PCDHGA3: variants seen among roughly 807,000 people sequenced by gnomAD.
The protein encoded by PCDHGA3 is protocadherin gamma-A3.
In PCDHGA3, 40 loss-of-function variants were observed where a neutral mutation model predicts 58.5. That is an observed-to-expected ratio of 0.68 (90% CI 0.53 to 0.89). PCDHGA3 has a LOEUF of 0.89. Ranked by LOEUF, PCDHGA3 falls within the 40% of genes least tolerant of loss-of-function variation. The probability of loss-of-function intolerance (pLI) is 0.00; values close to 1 mark genes in which losing one functional copy is unlikely to be tolerated. For synonymous variants in PCDHGA3, 530 were observed against 525.7 expected (o/e 1.01, Z -0.11); for missense variants, 1,223 against 1,195.9 (o/e 1.02, Z -0.33).
intron 1 of PCDHGA3, among the ~76,000 whole-genome samples, chr5:141,449,342 C>T (rs895923034): frequency 3.3e-5 from 5 of 151,854 alleles, no homozygotes; most frequent in Non-Finnish European, 5.9e-5. Context: ...TGCAGTGGCT[C>T]ACTCCTGTAA....
intron 2 of PCDHGA3, among the ~76,000 whole-genome samples, chr5:141,503,458 G>A (rs948221006): frequency 2.0e-5 from 3 of 152,018 alleles, no homozygotes; most frequent in Non-Finnish European, 4.4e-5. Flanking sequence ...CGCTGGGCAT[G>A]GTGGCATGTG....
chr5:141,356,869 G>T, intron 1 of PCDHGA3: 1 of 1,614,182 alleles, frequency 6.2e-7, no homozygotes, highest in Non-Finnish European at 8.5e-7. Context: ...GGACCAGAAC[G>T]ACAATGTCCC....
intron 1 of PCDHGA3, among the ~76,000 whole-genome samples, chr5:141,425,428 T>C (rs1037803701): frequency 1.3e-5 from 2 of 152,238 alleles, no homozygotes; most frequent in African/African-American, 4.8e-5. Context: ...TCCCATTAAA[T>C]AGAGGATAAA....
At chr5:141,375,305 G>A in intron 1 of PCDHGA3, 1 of 1,613,812 alleles carries the variant, frequency 6.2e-7, no homozygotes, top group African/African-American at 1.3e-5. Context: ...AGTGACAAAT[G>A]CAGCTCTAGA....
Position 141,476,267 on chromosome 5 carries a change from G to A in PCDHGA3, c.2425-18540G>A, listed in dbSNP as rs373758158. The A allele has an allele frequency of 6.8e-6, 11 of 1,613,938 alleles. No homozygotes were observed. Among genetic ancestry groups the A allele is most frequent in the African/African-American group, 1.3e-5 (1 of 74,884 alleles). On this transcript the variant is annotated intron_variant, in intron 1 of 3. Transcript: ENST00000253812. The surrounding 1 kb of genome is among the most constrained non-coding windows in gnomAD (Gnocchi z 7.6). ...GAAGGGTTTCGCTGTGGGCAACGTG[G>A]TCGCGAACCTTGGTTTGGATCTCGG...
At chr5:141,510,056 G>C (rs1450505898) in intron 3 of PCDHGA3, among the ~76,000 whole-genome samples, 2 of 152,174 alleles carry the variant, frequency 1.3e-5, no homozygotes. Flanking sequence ...AAGTGATTGT[G>C]CATGTGAAGC....
chr5:141,485,426 C>T lies in PCDHGA3; in HGVS notation c.2425-9381C>T. 6.2e-7 allele frequency: 1 copy of T among 1,614,158 alleles called. No individual in the cohort carries two copies. Among genetic ancestry groups the T allele is most frequent in the South Asian group, 1.1e-5 (1 of 91,078 alleles). ...TGTGGATTTGGACAGCGGAGCCCTGCTCATCAAGAACCCAATCGACCGAGA... is the reference window on the plus strand; with the variant it reads ...TGTGGATTTGGACAGCGGAGCCCTGTTCATCAAGAACCCAATCGACCGAGA... On this transcript the variant is annotated intron_variant, in intron 1 of 3. Transcript: ENST00000253812. The surrounding 1 kb of genome is among the most constrained non-coding windows in gnomAD (Gnocchi z 5.7).
Position 141,384,133 on chromosome 5 carries a change from C to T in PCDHGA3, c.2424+37676C>T, listed in dbSNP as rs770731491. 9.3e-6 allele frequency: 15 copies of T among 1,611,570 alleles called. No individual in the cohort carries two copies. Among genetic ancestry groups the T allele is most frequent in the Admixed American group, 1.7e-5 (1 of 59,646 alleles). On this transcript the variant is annotated intron_variant, in intron 1 of 3. Coordinates refer to ENST00000253812, the MANE Select transcript of PCDHGA3 (RefSeq NM_018916.4). ...ATTGGTCACAACCAAAAACTTGGAC[C>T]GGGAAACACTCTCTTTGTATAACAT... is the stretch of plus-strand genomic sequence containing the variant.
At chr5:141,448,058 C>G (rs2098560499) in intron 1 of PCDHGA3, among the ~76,000 whole-genome samples, 2 of 151,936 alleles carry the variant, frequency 1.3e-5, no homozygotes, top group Non-Finnish European at 2.9e-5. Flanking sequence ...TGCTCTCCAG[C>G]CTGGGCAACA....
At chr5:141,423,341 TC>T (rs767448191) in intron 1 of PCDHGA3, 181 of 1,614,176 alleles carry the variant, frequency 1.1e-4, no homozygotes, top group Admixed American at 2.7e-4. Context: ...TCCTGCATCT[TC>T]CTGGTCTTTG....
chr5:141,382,326 T>G (rs1007367155), intron 1 of PCDHGA3, among the ~76,000 whole-genome samples: 1 of 152,352 alleles, frequency 6.6e-6, no homozygotes, highest in Admixed American at 6.5e-5. Context: ...TGTAAATATT[T>G]TCTAAGTAAA....
chr5:141,399,421 A>G lies in PCDHGA3; in HGVS notation c.2424+52964A>G, dbSNP rs1444290267. On this transcript the variant is annotated intron_variant, in intron 1 of 3. Coordinates refer to ENST00000253812, the MANE Select transcript of PCDHGA3 (RefSeq NM_018916.4). ...GGGCAAGCCGCCCCTCTCCTCCAGCATAAGCGTCATCCTACATATCAGAGA... is the reference window on the plus strand; with the variant it reads ...GGGCAAGCCGCCCCTCTCCTCCAGCGTAAGCGTCATCCTACATATCAGAGA... 1.2e-6 allele frequency: 2 copies of G among 1,614,036 alleles called. No homozygotes were observed. Among genetic ancestry groups the G allele is most frequent in the Middle Eastern group, 1.6e-4 (1 of 6,062 alleles).
chr5:141,430,930 G>A, intron 1 of PCDHGA3: 2 of 1,607,320 alleles, frequency 1.2e-6, no homozygotes, highest in Non-Finnish European at 1.7e-6. Context: ...TGGAGCCCCG[G>A]GAGCTCGCGG....
intron 1 of PCDHGA3, chr5:141,418,495 G>T (rs745982190): frequency 6.2e-7 from 1 of 1,613,974 alleles, no homozygotes; most frequent in South Asian, 1.1e-5. Context: ...ACTTGGTACT[G>T]ACCGCCTTAG....
chr5:141,384,941 C>A lies in PCDHGA3; in HGVS notation c.2424+38484C>A, dbSNP rs748067928. Reference sequence around the variant, plus strand: ...GCCGACCTGGGCAGCCTTGAGCCCTCCGACGGTCCTTACAACTATGACCTC... The same window carrying A: ...GCCGACCTGGGCAGCCTTGAGCCCTACGACGGTCCTTACAACTATGACCTC... On this transcript the variant is annotated intron_variant, in intron 1 of 3. Transcript: ENST00000253812. 2.5e-6 allele frequency: 4 copies of A among 1,614,104 alleles called. No homozygotes were observed. The highest frequency in any genetic ancestry group is 3.4e-6 in the Non-Finnish European group (4 of 1,180,022).
chr5:141,501,292 C>CACAT (rs200296563), intron 2 of PCDHGA3, among the ~76,000 whole-genome samples: 14,029 of 50,334 alleles, frequency 0.28, 723 homozygotes, highest in Admixed American at 0.4. Flanking sequence ...TTCCCTTATA[C>CACAT]ACACACACAC....
Position 141,494,815 on chromosome 5 carries a change from G to A in PCDHGA3, c.2433G>A (p.Pro811=), listed in dbSNP as rs765344906. 1 of 1,613,976 alleles carries A rather than the reference G, an allele frequency of 6.2e-7. No homozygotes were observed. Among genetic ancestry groups the A allele is most frequent in the South Asian group, 1.1e-5 (1 of 91,072 alleles). ...KGDSNLLQQA[P]PNTDWRFSQA... The stretch of plus-strand genomic sequence containing the variant: ...CTCTGTTTTCTCCACAGCAAGCCCC[G>A]CCCAACACGGACTGGCGTTTCTCTC... The change falls in exon 2 of 4, where the codon CCG becomes CCA. Residue 811 remains proline, a synonymous_variant. Transcript: ENST00000253812.
At chr5:141,355,369 C>A (rs1339855222) in intron 1 of PCDHGA3, 2 of 1,614,040 alleles carry the variant, frequency 1.2e-6, no homozygotes, top group Admixed American at 3.3e-5. Context: ...GTTGGCGCCC[C>A]GGGAGCTGGC....
At chr5:141,370,508 C>T in intron 1 of PCDHGA3, 1 of 1,613,908 alleles carries the variant, frequency 6.2e-7, no homozygotes, top group Non-Finnish European at 8.5e-7. Flanking sequence ...ACGCTATTCC[C>T]GAGGAGCTGG....
Sources: gnomAD v4.1 joint callset for allele counts (sites outside exome capture counted in the v4.1 genomes callset) on GRCh38, gnomAD v4.1.1 for gene constraint, Gnocchi (gnomAD v3.1) non-coding constraint, MANE v1.5 for transcripts, NCBI Gene and HGNC (gene_info 2026-07-23, HGNC 2026-07-21) for gene names.